PDCD4: variants seen among roughly 807,000 people sequenced by gnomAD.
PDCD4 encodes programmed cell death protein 4.
A neutral mutation model predicts 54.0 loss-of-function variants in PDCD4; 56 were observed. That is an observed-to-expected ratio of 1.04 (90% confidence interval 0.84 to 1.30). The LOEUF is 1.30. Among genes scored for constraint, PDCD4 ranks in the 50% most tolerant of loss-of-function variants. The pLI is 0.00. For missense variants in PDCD4, 584 were observed against 559.8 expected (o/e 1.04, Z -0.44); for synonymous variants, 186 against 194.8 (o/e 0.95, Z 0.37).
chr10:110,889,017 G>A (rs886873511), intron 6 of PDCD4, among the ~76,000 whole-genome samples: 1 of 151,996 alleles, frequency 6.6e-6, no homozygotes, highest in Non-Finnish European at 1.5e-5. Flanking sequence ...GGATCACGAG[G>A]TCAGGAGTTC....
At chr10:110,886,285 A>C (rs954260270) in intron 5 of PDCD4, among the ~76,000 whole-genome samples, 1 of 152,162 alleles carries the variant, frequency 6.6e-6, no homozygotes, top group East Asian at 1.9e-4. Context: ...ATTGTATACT[A>C]TGTATCTGTT....
At chr10:110,896,155 T>C in intron 11 of PDCD4, 68 bp downstream of exon 11, 1 of 1,199,120 alleles carries the variant, frequency 8.3e-7, no homozygotes, top group East Asian at 2.4e-5. Context: ...GGTTAACTGC[T>C]AAGTTAGTTT....
At position 110,887,826 on chromosome 10, in the gene PDCD4, A is replaced by G. The variant is rs1370582169; in HGVS notation, c.717A>G (p.Ser239=). 2 of 1,613,830 alleles carry G rather than the reference A, an allele frequency of 1.2e-6. No homozygotes were observed. Among genetic ancestry groups the G allele is most frequent in the Non-Finnish European group, 8.5e-7 (1 of 1,179,798 alleles). The change falls in exon 6 of 12, where the codon TCA becomes TCG. Residue 239 remains serine, a synonymous_variant. Transcript: ENST00000280154. The part of the protein sequence containing the change: ...TVMSTTDVEK[S]FDKLLKDLPE... ...TGAGCACAACTGATGTGGAAAAATC[A>G]TTTGATAAATTGTTGAAAGATCTAC...
At chr10:110,885,403 A>G (rs758420589) in intron 5 of PDCD4, 37 bp downstream of exon 5, 8 of 898,434 alleles carry the variant, frequency 8.9e-6, no homozygotes, top group Middle Eastern at 2.2e-4. Context: ...TATTTAATAT[A>G]GGAGAGAAGA....
chr10:110,885,899 C>G (rs1168948072), intron 5 of PDCD4, among the ~76,000 whole-genome samples: 2 of 151,980 alleles, frequency 1.3e-5, no homozygotes, highest in Non-Finnish European at 2.9e-5. Context: ...TAAAGTAAAT[C>G]TAGGATAAAA....
chr10:110,888,528 G>T (rs1433693596), intron 6 of PDCD4, among the ~76,000 whole-genome samples: 1 of 151,924 alleles, frequency 6.6e-6, no homozygotes, highest in Non-Finnish European at 1.5e-5. Flanking sequence ...ATTTATTGTA[G>T]AATTTTTGAA....
At chr10:110,888,548 C>T (rs1845705384) in intron 6 of PDCD4, among the ~76,000 whole-genome samples, 1 of 151,892 alleles carries the variant, frequency 6.6e-6, no homozygotes, top group African/African-American at 2.4e-5. Flanking sequence ...AAAATAAAAG[C>T]CAGAAAGAAG....
rs903350635 is a variant in PDCD4 at position 110,899,461 on chromosome 10, T to C, written c.*1373T>C. The C allele has an allele frequency of 2.0e-5, 3 of 152,188 alleles. No individual in the cohort carries two copies. Among genetic ancestry groups the C allele is most frequent in the Non-Finnish European group, 4.4e-5 (3 of 68,026 alleles). The allele number at this position is 152,188 out of a possible 1,614,324, so 9.4% of individuals were successfully genotyped here. A position where few individuals can be genotyped will look rare whatever the true frequency, so the allele number is the denominator to read the frequency against. ...CTCAAGTGCTTAAAATTAATGTAAT[T>C]AAAAGCTTAGCTGACTACAGAATAG... On this transcript the variant is annotated 3_prime_UTR_variant, in exon 12 of 12. Coordinates refer to ENST00000280154, the MANE Select transcript of PDCD4 (RefSeq NM_014456.5).
At chr10:110,882,928 C>T (rs920682742) in intron 3 of PDCD4, 75 bp from the exon 4 acceptor site, 19 of 941,294 alleles carry the variant, frequency 2.0e-5, no homozygotes, top group East Asian at 1.5e-4. Context: ...TGTTTAACAT[C>T]GGAACATTTT....
rs1161567474 is a variant in PDCD4 at position 110,899,193 on chromosome 10, G to A, written c.*1105G>A. 1 of 152,130 alleles carries A rather than the reference G, an allele frequency of 6.6e-6. No homozygotes were observed. The allele number at this position is 152,130 out of a possible 1,614,324, so 9.4% of individuals were successfully genotyped here. On this transcript the variant is annotated 3_prime_UTR_variant, in exon 12 of 12. Coordinates refer to ENST00000280154, the MANE Select transcript of PDCD4 (RefSeq NM_014456.5). ...AACTCAGCAAGGCCTCAACGTCTGT[G>A]CTAATTTAAACTGCCAAATATTGAC...
At chr10:110,887,621 A>G (rs1174039361) in intron 5 of PDCD4, 44 bp from the exon 6 acceptor site, 3 of 1,340,234 alleles carry the variant, frequency 2.2e-6, no homozygotes, top group Non-Finnish European at 3.2e-6. Flanking sequence ...AACTATAGGT[A>G]GTGATACACT....
chr10:110,886,409 G>A (rs1352282256), intron 5 of PDCD4, among the ~76,000 whole-genome samples: 1 of 152,172 alleles, frequency 6.6e-6, no homozygotes. Context: ...GGAAAGAGGA[G>A]TATTGTGTTT....
intron 2 of PDCD4, among the ~76,000 whole-genome samples, chr10:110,877,524 C>T (rs1460694482): frequency 6.6e-6 from 1 of 152,070 alleles, no homozygotes; most frequent in Admixed American, 6.5e-5. Context: ...CCTGTTTTTA[C>T]TTTTTAATGT....
chr10:110,875,695 T>C (rs1318290044), intron 1 of PDCD4, among the ~76,000 whole-genome samples: 2 of 152,196 alleles, frequency 1.3e-5, no homozygotes, highest in African/African-American at 2.4e-5. Context: ...CACAAACATA[T>C]CTTTTAATTC....
intron 6 of PDCD4, among the ~76,000 whole-genome samples, chr10:110,888,817 T>C (rs899536290): frequency 6.6e-6 from 1 of 152,176 alleles, no homozygotes; most frequent in Non-Finnish European, 1.5e-5. Context: ...TTCCAGTTTT[T>C]ATAATAAGTA....
In PDCD4 at chr10:110,894,214, C is replaced by T; in HGVS notation, c.1098+16C>T. 1 of 1,355,026 alleles carries T rather than the reference C, an allele frequency of 7.4e-7. No individual in the cohort carries two copies. The highest frequency in any genetic ancestry group is 1.2e-5 in the South Asian group (1 of 85,748). The allele number at this position is 1,355,026 out of a possible 1,614,324, so 83.9% of individuals were successfully genotyped here. On this transcript the variant is annotated intron_variant, in intron 9 of 11. Coordinates refer to ENST00000280154, the MANE Select transcript of PDCD4 (RefSeq NM_014456.5). The stretch of plus-strand genomic sequence containing the variant: ...TGTATATGAAGTAAGATTACCTTGC[C>T]ATGTCAAAGATAATTATTAAGTGTT...
At chr10:110,892,811 A>G (rs1021054856) in intron 8 of PDCD4, among the ~76,000 whole-genome samples, 2 of 152,184 alleles carry the variant, frequency 1.3e-5, no homozygotes, top group African/African-American at 4.8e-5. Flanking sequence ...AGGCCTTTAC[A>G]TTCACTAACC....
chr10:110,897,101 T>C (rs1053138054), intron 11 of PDCD4, among the ~76,000 whole-genome samples: 2 of 152,230 alleles, frequency 1.3e-5, no homozygotes, highest in Non-Finnish European at 2.9e-5. Context: ...GAAGCCTTTA[T>C]GTTCAAGATG....
intron 7 of PDCD4, among the ~76,000 whole-genome samples, chr10:110,890,112 A>T (rs1179407498): frequency 1.3e-5 from 2 of 152,148 alleles, no homozygotes; most frequent in Non-Finnish European, 2.9e-5. Context: ...ACTAAATGTG[A>T]TATTTGGGAG....
Sources: allele counts gnomAD v4.1 joint callset (sites outside exome capture counted in the v4.1 genomes callset), GRCh38; gene constraint gnomAD v4.1.1; transcripts MANE v1.5; gene names NCBI Gene and HGNC (gene_info 2026-07-23, HGNC 2026-07-21).